VGLL4: variants seen among roughly 807,000 people sequenced by gnomAD.
VGLL4 encodes the protein vestigial like family member 4.
VGLL4 carries 7 observed loss-of-function variants against 21.0 expected under a neutral mutation model. The ratio of observed to expected loss-of-function variants is 0.33; its 90% CI spans 0.19 to 0.63. The LOEUF (loss-of-function observed/expected upper bound fraction) is 0.63, where lower values mean the gene tolerates loss of function less well. Ranked by LOEUF, VGLL4 falls within the 20% of genes least tolerant of loss-of-function variation. The pLI, the probability that VGLL4 is intolerant of heterozygous loss-of-function variation, is 0.78. For synonymous variants in VGLL4, 222 were observed against 173.2 expected (o/e 1.28, Z -2.21); for missense variants, 394 against 425.7 (o/e 0.93, Z 0.66).
At chr3:11,677,436 AT>A (rs1055368844) in intron 2 of VGLL4, among the ~76,000 whole-genome samples, 1 of 151,626 alleles carries the variant, frequency 6.6e-6, no homozygotes, top group Non-Finnish European at 1.5e-5. Flanking sequence ...CACCCAGCTA[AT>A]TTTTTTTGTA....
At chr3:11,639,659 G>A (rs1253955131) in intron 1 of VGLL4, among the ~76,000 whole-genome samples, 1 of 152,212 alleles carries the variant, frequency 6.6e-6, no homozygotes, top group Admixed American at 6.5e-5. Flanking sequence ...GATTACCTGA[G>A]ATCAGGAGTT....
At chr3:11,632,784 A>AACAT (rs2075509711) in intron 1 of VGLL4, among the ~76,000 whole-genome samples, 1 of 152,188 alleles carries the variant, frequency 6.6e-6, no homozygotes, top group African/African-American at 2.4e-5. Flanking sequence ...CCCCTGCTAG[A>AACAT]ACATACACTC....
chr3:11,590,006 G>A lies in VGLL4; in HGVS notation c.272+11827C>T, dbSNP rs2074448253. Reference sequence around the variant, plus strand: ...ATGGCCAATTCCATTTGAGAAACTCGGCTAAACAGTGTTTCTGCGCATAAG... The same window carrying A: ...ATGGCCAATTCCATTTGAGAAACTCAGCTAAACAGTGTTTCTGCGCATAAG... On this transcript the variant is annotated intron_variant, in intron 2 of 4. Transcript: ENST00000430365. 2.0e-5 allele frequency among the ~76,000 whole-genome samples: 3 copies of A among 152,250 alleles called. 1 individual carries two copies. Among genetic ancestry groups the A allele is most frequent in the African/African-American group, 7.2e-5 (3 of 41,546 alleles).
At chr3:11,616,317 GT>G (rs2075162194) in intron 1 of VGLL4, among the ~76,000 whole-genome samples, 1 of 151,956 alleles carries the variant, frequency 6.6e-6, no homozygotes, top group East Asian at 1.9e-4. Context: ...TTGGTCTTCA[GT>G]GTCTGAAAAC....
chr3:11,563,153 A>C (rs377743640), intron 3 of VGLL4, among the ~76,000 whole-genome samples: 1 of 150,394 alleles, frequency 6.6e-6, no homozygotes, highest in Admixed American at 6.6e-5. Context: ...ATGTGGGCAG[A>C]GATAGCTTGT....
upstream of VGLL4, among the ~76,000 whole-genome samples, chr3:11,646,334 A>AC (rs1424044563): frequency 6.6e-6 from 1 of 152,212 alleles, no homozygotes; most frequent in Non-Finnish European, 1.5e-5. Context: ...TTACTGTGCT[A>AC]CGTTTTTACA....
chr3:11,659,255 A>G (rs971145046), intron 2 of VGLL4, among the ~76,000 whole-genome samples: 14 of 151,336 alleles, frequency 9.3e-5, no homozygotes, highest in South Asian at 2.1e-4. Flanking sequence ...CTACAAACAA[A>G]CAATAGAAGG....
At chr3:11,720,011 C>T (rs923800991) in intron 1 of VGLL4, among the ~76,000 whole-genome samples, 1 of 152,170 alleles carries the variant, frequency 6.6e-6, no homozygotes, top group Non-Finnish European at 1.5e-5. Flanking sequence ...CAAACACAAA[C>T]GCACATTTCG....
intron 2 of VGLL4, chr3:11,671,340 T>C: frequency 3.0e-6 from 4 of 1,347,736 alleles, no homozygotes; most frequent in Non-Finnish European, 3.2e-6. Context: ...TTCTCAGTCA[T>C]CAGTTCCGCA....
intron 2 of VGLL4, among the ~76,000 whole-genome samples, chr3:11,649,217 G>A (rs1164232136): frequency 6.6e-6 from 1 of 152,172 alleles, no homozygotes. Flanking sequence ...GAAATGCTAT[G>A]CTATATACTG....
intron 1 of VGLL4, among the ~76,000 whole-genome samples, chr3:11,614,816 C>A (rs1275736549): frequency 6.6e-6 from 1 of 152,166 alleles, no homozygotes; most frequent in African/African-American, 2.4e-5. Flanking sequence ...ACAAGTAAAG[C>A]GAGTAACTTA....
intron 2 of VGLL4, among the ~76,000 whole-genome samples, chr3:11,581,587 G>A (rs1205132998): frequency 1.3e-5 from 2 of 152,160 alleles, no homozygotes; most frequent in African/African-American, 4.8e-5. Context: ...ACAAGTTACT[G>A]AGAGATGAAA....
Position 11,602,017 on chromosome 3 carries a change from C to G in VGLL4, c.88G>C (p.Ala30Pro), listed in dbSNP as rs781144877. 4 of 1,562,694 alleles carry G rather than the reference C, an allele frequency of 2.6e-6. No homozygotes were observed. The highest frequency in any genetic ancestry group is 1.2e-5 in the South Asian group (1 of 83,856). ...NIGILCYEGE[A>P]ALRGEPRIQT... ...ATTCTGGGTTCTCCCCTGAGAGCAG[C>G]TTCGCCTACGCAGAGAGAGATGATG... The change falls in exon 2 of 5, where the codon GCT becomes CCT. Residue 30 changes from alanine (A) to proline (P), a missense_variant. Ala to Pro is a conservative substitution (Grantham distance 27). Transcript: ENST00000430365.
At chr3:11,655,006 C>G (rs1406390051) in intron 2 of VGLL4, among the ~76,000 whole-genome samples, 2 of 152,174 alleles carry the variant, frequency 1.3e-5, no homozygotes, top group African/African-American at 4.8e-5. Flanking sequence ...ACCTTATCCT[C>G]CTGTGGATCT....
At chr3:11,675,785 G>A (rs950288867) in intron 2 of VGLL4, among the ~76,000 whole-genome samples, 1 of 152,078 alleles carries the variant, frequency 6.6e-6, no homozygotes, top group Admixed American at 6.6e-5. Context: ...CATTATATAA[G>A]TTATACCCAA....
At chr3:11,596,853 T>G (rs2074657901) in intron 2 of VGLL4, among the ~76,000 whole-genome samples, 1 of 152,138 alleles carries the variant, frequency 6.6e-6, no homozygotes, top group African/African-American at 2.4e-5. Context: ...TAAGTTACCA[T>G]GAAAAACTAT....
At chr3:11,679,059 T>C (rs1398186965) in intron 2 of VGLL4, among the ~76,000 whole-genome samples, 1 of 152,232 alleles carries the variant, frequency 6.6e-6, no homozygotes, top group East Asian at 1.9e-4. Flanking sequence ...TGAGAATAAA[T>C]GACCCTGTTA....
Position 11,677,505 on chromosome 3 carries a change from G to A in VGLL4, c.64+25466C>T, listed in dbSNP as rs2076308696. Among the ~76,000 whole-genome samples, 4 of 152,120 alleles carry A rather than the reference G, an allele frequency of 2.6e-5. No individual in the cohort carries two copies. The South Asian group carries it at 8.3e-4, about 32-fold the overall frequency. On this transcript the variant is annotated intron_variant, in intron 2 of 5. Transcript: ENST00000273038. ...GCCCATGGTGGTCTCAAACTCCTGG[G>A]CCCAAGTGATCCACCCACCTTGGCC... is the stretch of plus-strand genomic sequence containing the variant.
At chr3:11,578,904 C>T (rs1300597358) in intron 2 of VGLL4, among the ~76,000 whole-genome samples, 7 of 152,092 alleles carry the variant, frequency 4.6e-5, no homozygotes, top group African/African-American at 1.7e-4. Flanking sequence ...CGCCCGCCAC[C>T]ACGCCCGGCT....
Sources: gnomAD v4.1 joint callset for allele counts (sites outside exome capture counted in the v4.1 genomes callset) on GRCh38, gnomAD v4.1.1 for gene constraint, MANE v1.5 for transcripts, NCBI Gene and HGNC (gene_info 2026-07-23, HGNC 2026-07-21) for gene names.